Variants in PCDHA6 observed in about 807,000 individuals in gnomAD.
PCDHA6 encodes the protein protocadherin alpha-6.
Under a neutral mutation model 60.3 loss-of-function variants are expected in PCDHA6, and 55 were observed. That is an observed-to-expected ratio of 0.91 (90% CI 0.73 to 1.14). The LOEUF is 1.14. PCDHA6 is among the 50% of genes most tolerant of loss of function. The probability of loss-of-function intolerance (pLI) is 0.00; values close to 1 mark genes in which losing one functional copy is unlikely to be tolerated. For missense variants in PCDHA6, 1,327 were observed against 1,256.5 expected (o/e 1.06, Z -0.85); for synonymous variants, 652 against 557.9 (o/e 1.17, Z -2.38).
intron 1 of PCDHA6, chr5:140,856,539 A>G (rs782181557): frequency 1.3e-6 from 2 of 1,598,342 alleles, no homozygotes; most frequent in South Asian, 2.2e-5. Context: ...GTTGGAGAGA[A>G]CGCATTGCTT....
chr5:140,877,704 C>G, intron 1 of PCDHA6: 2 of 1,613,952 alleles, frequency 1.2e-6, no homozygotes, highest in South Asian at 1.1e-5. Context: ...GCTCCAGCGC[C>G]GTGGGGAGTT....
At chr5:140,871,062 C>CT in intron 1 of PCDHA6, 1 of 1,613,220 alleles carries the variant, frequency 6.2e-7, no homozygotes, top group South Asian at 1.1e-5. Context: ...TGAAGGATCA[C>CT]GGTGAGCCGG....
intron 1 of PCDHA6, among the ~76,000 whole-genome samples, chr5:140,894,231 G>A (rs1265861426): frequency 1.3e-5 from 2 of 151,980 alleles, no homozygotes; most frequent in South Asian, 2.1e-4. Flanking sequence ...GATGTTGAAT[G>A]ACAATGTAAT....
intron 1 of PCDHA6, chr5:140,927,923 CTCT>C: frequency 6.2e-7 from 1 of 1,614,232 alleles, no homozygotes; most frequent in East Asian, 2.2e-5. Context: ...GACTTCCTGA[CTCT>C]TTCGAACCCA....
intron 1 of PCDHA6, chr5:140,861,416 C>G: frequency 2.1e-6 from 1 of 477,054 alleles, no homozygotes; most frequent in South Asian, 1.6e-5. Flanking sequence ...TGATACCGCG[C>G]CTGTTTCAGT....
intron 1 of PCDHA6, chr5:140,842,566 CGAGAGA>C: frequency 6.7e-7 from 1 of 1,503,446 alleles, no homozygotes; most frequent in Non-Finnish European, 9.0e-7. Flanking sequence ...CCCTGGACCG[CGAGAGA>C]GTGTCGGCCT....
chr5:140,892,578 T>G (rs2063581965), intron 1 of PCDHA6, among the ~76,000 whole-genome samples: 1 of 152,178 alleles, frequency 6.6e-6, no homozygotes, highest in Non-Finnish European at 1.5e-5. Context: ...AAAGTATATC[T>G]CAGTATTCAT....
At chr5:140,879,813 T>C in intron 1 of PCDHA6, among the ~76,000 whole-genome samples, 1 of 152,346 alleles carries the variant, frequency 6.6e-6, no homozygotes, top group African/African-American at 2.4e-5. Flanking sequence ...CTATTGGCTG[T>C]TGGTGTTCCC....
chr5:140,927,635 A>G (rs782672031), intron 1 of PCDHA6: 17 of 1,614,038 alleles, frequency 1.1e-5, no homozygotes, highest in East Asian at 4.5e-5. Context: ...ACTGCACCCA[A>G]TGGGACTGTG....
intron 1 of PCDHA6, among the ~76,000 whole-genome samples, chr5:140,874,488 A>G (rs1452122658): frequency 2.0e-5 from 3 of 152,254 alleles, no homozygotes; most frequent in African/African-American, 7.2e-5. Flanking sequence ...CAAAAGGTTG[A>G]TATCAAGTTC....
chr5:140,957,333 A>T (rs2095351211), intron 1 of PCDHA6, among the ~76,000 whole-genome samples: 1 of 152,164 alleles, frequency 6.6e-6, no homozygotes, highest in African/African-American at 2.4e-5. Context: ...GTACAGTAAG[A>T]TATTTTGAGA....
intron 1 of PCDHA6, among the ~76,000 whole-genome samples, chr5:140,880,362 A>G (rs1005788716): frequency 4.6e-5 from 7 of 152,236 alleles, no homozygotes; most frequent in Non-Finnish European, 1.0e-4. Context: ...ATTTAGATGA[A>G]AACCATGAGA....
chr5:140,829,853 G>GGCCAA lies in PCDHA6; in HGVS notation c.1764_1768dup (p.Val590AlafsTer64), dbSNP rs1554132325. 6.2e-7 allele frequency: 1 copy of GGCCAA among 1,613,852 alleles called. No homozygotes were observed. Among genetic ancestry groups the GGCCAA allele is most frequent in the East Asian group, 2.2e-5 (1 of 44,878 alleles). On this transcript the variant is annotated frameshift_variant, in exon 1 of 4. Coordinates refer to ENST00000529310, the MANE Select transcript of PCDHA6 (RefSeq NM_018909.4). LOFTEE classifies it high-confidence loss of function. ...GCTGGTGCCGCGGTCACTGGGTGCA[G>GGCCAA]GCCAAGTGGTGGCGAAGGTGCGCGC...
Position 140,996,044 on chromosome 5 carries a change from A to G in PCDHA6, c.2542+13481A>G, listed in dbSNP as rs569475149. Among the ~76,000 whole-genome samples, 13 of 152,366 alleles carry G rather than the reference A, an allele frequency of 8.5e-5. No homozygotes were observed. The South Asian group carries it at 1.9e-3, about 22-fold the overall frequency. Reference sequence around the variant, plus strand: ...GTTTAATGCTCCTAGCACTTAACACAGTGCTTGGCACACAGTAAAGAGGAT... The same window carrying G: ...GTTTAATGCTCCTAGCACTTAACACGGTGCTTGGCACACAGTAAAGAGGAT... On this transcript the variant is annotated intron_variant, in intron 3 of 3. Coordinates refer to ENST00000529310, the MANE Select transcript of PCDHA6 (RefSeq NM_018909.4).
Position 141,011,146 on chromosome 5 carries a change from C to T in PCDHA6, c.*1209C>T, listed in dbSNP as rs1180133019. On this transcript the variant is annotated 3_prime_UTR_variant, in exon 4 of 4. Transcript: ENST00000529310. ...TATGTGCACTTTGATACACAACCTT[C>T]TCTAACCAACTATATATCAAGACCC... The T allele has an allele frequency of 6.5e-6, 1 of 153,746 alleles. No individual in the cohort carries two copies. The highest frequency in any genetic ancestry group is 2.1e-4 in the South Asian group (1 of 4,824). The allele number at this position is 153,746 out of a possible 1,614,324, so 9.5% of individuals were successfully genotyped here.
rs2150513075 is a variant in PCDHA6, at chr5:140,852,180, T to C, written c.2394+21695T>C. The C allele has an allele frequency of 3.0e-5, 23 of 771,014 alleles. 2 individuals carry two copies. The highest frequency in any genetic ancestry group is 3.4e-5 in the Non-Finnish European group (21 of 620,092). The allele number at this position is 771,014 out of a possible 1,614,324, so 47.8% of individuals were successfully genotyped here. On this transcript the variant is annotated intron_variant, in intron 1 of 3. Coordinates refer to ENST00000529310, the MANE Select transcript of PCDHA6 (RefSeq NM_018909.4). ...GAGAATAGAGCCACAAAAATAACTATGAAAATGCCAGTAACGTTTATTTAA... is the reference window on the plus strand; with the variant it reads ...GAGAATAGAGCCACAAAAATAACTACGAAAATGCCAGTAACGTTTATTTAA...
chr5:140,967,116 G>T, intron 1 of PCDHA6: 1 of 1,612,922 alleles, frequency 6.2e-7, no homozygotes, highest in Non-Finnish European at 8.5e-7. Flanking sequence ...CGGCCTCGCT[G>T]CCTGCTCAGC....
At chr5:140,967,142 C>T in intron 1 of PCDHA6, 1 of 1,611,304 alleles carries the variant, frequency 6.2e-7, no homozygotes, top group Non-Finnish European at 8.5e-7. Flanking sequence ...AGTGCTGGCG[C>T]ACAACCCCGT....
At chr5:140,876,217 G>A (rs976376933) in intron 1 of PCDHA6, 1 of 1,614,006 alleles carries the variant, frequency 6.2e-7, no homozygotes. Flanking sequence ...CAGCTATAAA[G>A]TAGTGTTGTC....
Sources: gnomAD v4.1 joint callset for allele counts (sites outside exome capture counted in the v4.1 genomes callset) on GRCh38, gnomAD v4.1.1 for gene constraint, MANE v1.5 for transcripts, NCBI Gene and HGNC (gene_info 2026-07-23, HGNC 2026-07-21) for gene names.